MAGI1: variants seen among roughly 807,000 people sequenced by gnomAD.
MAGI1 encodes membrane associated guanylate kinase, WW and PDZ domain containing 1, also known as membrane-associated guanylate kinase, WW and PDZ domain-containing protein 1.
In MAGI1, 58 loss-of-function variants were observed where a neutral mutation model predicts 139.9. The ratio of observed to expected loss-of-function variants is 0.41; its 90% CI spans 0.34 to 0.52. The LOEUF (loss-of-function observed/expected upper bound fraction) is 0.52. Among genes scored for constraint, MAGI1 ranks in the 20% least tolerant of loss-of-function variants. MAGI1 has a pLI of 0.12. For missense variants in MAGI1, 1,874 were observed against 1,901.6 expected, an observed-to-expected ratio of 0.99 and a Z score of 0.27; for synonymous variants, 812 against 737.9, an observed-to-expected ratio of 1.10 and a Z score of -1.63.
chr3:65,875,113 T>C (rs2060069721), intron 1 of MAGI1: 1 of 152,518 alleles, frequency 6.6e-6, no homozygotes, highest in African/African-American at 2.4e-5. Flanking sequence ...ATGTAAATAA[T>C]ACTGAAAATA....
At chr3:65,589,520 T>G (rs1299506985) in intron 2 of MAGI1, among the ~76,000 whole-genome samples, 1 of 152,168 alleles carries the variant, frequency 6.6e-6, no homozygotes, top group Non-Finnish European at 1.5e-5. Context: ...TTGCCTTAGC[T>G]TGGGCTTTTT....
chr3:65,844,839 G>T (rs867449450), intron 1 of MAGI1, among the ~76,000 whole-genome samples: 1 of 152,094 alleles, frequency 6.6e-6, no homozygotes, highest in Admixed American at 6.6e-5. Context: ...CCCACTAAAG[G>T]ACACCCCAGG....
chr3:65,597,815 C>G, intron 2 of MAGI1: 1 of 456,560 alleles, frequency 2.2e-6, no homozygotes, highest in Non-Finnish European at 4.4e-6. Flanking sequence ...TTGTACTTGC[C>G]TGCAAACCCC....
At chr3:65,760,643 A>G (rs2036943266) in intron 1 of MAGI1, among the ~76,000 whole-genome samples, 1 of 152,244 alleles carries the variant, frequency 6.6e-6, no homozygotes, top group East Asian at 1.9e-4. Context: ...CCTAGCCTCA[A>G]GTGATCCTCT....
rs185970960 is a variant in MAGI1, at chr3:65,812,958, G to A, written c.314-190870C>T. On this transcript the variant is annotated intron_variant, in intron 1 of 22. Transcript: ENST00000402939. ...ACTCCTGACCTCAGGTGATCCGACC[G>A]CCTCAGCCTCGCAAAGTGCTGGAAT... Among the ~76,000 whole-genome samples the A allele has an allele frequency of 7.3e-5, 11 of 150,612 alleles. No homozygotes were observed. In the East Asian group the frequency reaches 1.4e-3, roughly 19 times the overall value.
At chr3:65,720,639 A>C (rs1470404305) in intron 1 of MAGI1, among the ~76,000 whole-genome samples, 2 of 152,108 alleles carry the variant, frequency 1.3e-5, no homozygotes, top group Non-Finnish European at 2.9e-5. Flanking sequence ...AAACACGTAA[A>C]GCTTCCCTTT....
intron 17 of MAGI1, among the ~76,000 whole-genome samples, chr3:65,377,332 G>A (rs1942632125): frequency 6.6e-6 from 1 of 152,162 alleles, no homozygotes; most frequent in South Asian, 2.1e-4. Context: ...GATCTCCAAG[G>A]ACAATTGGTA....
chr3:65,678,410 T>A (rs1052795369), intron 1 of MAGI1, among the ~76,000 whole-genome samples: 4 of 152,290 alleles, frequency 2.6e-5, no homozygotes, highest in Admixed American at 2.6e-4. Context: ...GTTTTGCATT[T>A]TTCTTAAGTA....
At chr3:66,029,454 C>T (rs935190893) in intron 1 of MAGI1, among the ~76,000 whole-genome samples, 1 of 152,104 alleles carries the variant, frequency 6.6e-6, no homozygotes, top group South Asian at 2.1e-4. Flanking sequence ...GGGGTTGATA[C>T]CTTAGCCATG....
chr3:65,942,265 A>ATTAG (rs2063350496), intron 1 of MAGI1, among the ~76,000 whole-genome samples: 1 of 152,076 alleles, frequency 6.6e-6, no homozygotes, highest in Non-Finnish European at 1.5e-5. Context: ...AAATCCTGAC[A>ATTAG]TTAGTGAAAT....
Position 65,499,060 on chromosome 3 carries a change from TAAAA to T in MAGI1, c.431-5433_431-5430del, listed in dbSNP as rs60116533. On this transcript the variant is annotated intron_variant, in intron 2 of 22. Transcript: ENST00000402939. ...CAAACAGATAGAAGAAAACCGCTCT[TAAAA>T]AAAAAAAAACAAAAAACTCTCATAT... is the stretch of plus-strand genomic sequence containing the variant. 38 of 860,130 alleles carry T rather than the reference TAAAA, an allele frequency of 4.4e-5. No homozygotes were observed. In the African/African-American group the frequency reaches 6.7e-4, roughly 15 times the overall value. 53.3% of individuals were successfully genotyped at this position (860,130 alleles called of 1,614,324 possible). A position where few individuals can be genotyped will look rare whatever the true frequency, so the allele number is the denominator to read the frequency against.
chr3:65,437,268 T>G (rs2107390808), intron 9 of MAGI1, 21 bp from the exon 10 acceptor site: 2 of 1,483,850 alleles, frequency 1.3e-6, no homozygotes, highest in East Asian at 2.3e-5. Flanking sequence ...GAAAAGAAAG[T>G]TTCCTATTTT....
At chr3:65,540,868 G>C (rs1337425384) in intron 2 of MAGI1, among the ~76,000 whole-genome samples, 1 of 152,220 alleles carries the variant, frequency 6.6e-6, no homozygotes, top group Non-Finnish European at 1.5e-5. Context: ...AGAGAGGAAG[G>C]AAGCAGATGT....
At chr3:65,787,553 C>T (rs1165200231) in intron 1 of MAGI1, among the ~76,000 whole-genome samples, 1 of 149,594 alleles carries the variant, frequency 6.7e-6, no homozygotes, top group East Asian at 2.0e-4. Context: ...CTCCGTGTAA[C>T]TGAGGGCTAT....
At chr3:65,569,450 A>G (rs1473110168) in intron 2 of MAGI1, among the ~76,000 whole-genome samples, 2 of 152,226 alleles carry the variant, frequency 1.3e-5, no homozygotes, top group Non-Finnish European at 2.9e-5. Flanking sequence ...TGTATATTTT[A>G]CCACTATAAA....
Position 65,700,723 on chromosome 3 carries a change from G to A in MAGI1, c.314-78635C>T, listed in dbSNP as rs368800664. Among the ~76,000 whole-genome samples, 5 of 152,092 alleles carry A rather than the reference G, an allele frequency of 3.3e-5. No homozygotes were observed. In the East Asian group the frequency reaches 5.8e-4, roughly 18 times the overall value. On this transcript the variant is annotated intron_variant, in intron 1 of 22. Transcript: ENST00000402939. ...ACCAATTAAAAAATGACTGTAACAC[G>A]TCGTATAAGAAACCCTCAAAGGATA...
intron 2 of MAGI1, among the ~76,000 whole-genome samples, chr3:65,504,584 C>T (rs78121498): frequency 0.025 from 3,838 of 152,124 alleles, 73 homozygotes; most frequent in Non-Finnish European, 0.039. Context: ...AGTGGAGGAG[C>T]GAGGTGCAGC....
intron 1 of MAGI1, among the ~76,000 whole-genome samples, chr3:65,837,422 T>C (rs1474493458): frequency 1.3e-5 from 2 of 152,172 alleles, no homozygotes; most frequent in Admixed American, 6.5e-5. Flanking sequence ...GGAGAGTTCC[T>C]GGAATTCTTC....
At chr3:65,830,206 G>A (rs767028557) in intron 1 of MAGI1, among the ~76,000 whole-genome samples, 5 of 152,170 alleles carry the variant, frequency 3.3e-5, no homozygotes, top group Non-Finnish European at 5.9e-5. Context: ...TCTGTTTGAG[G>A]CATCGCAGTT....
Sources: allele counts gnomAD v4.1 joint callset (sites outside exome capture counted in the v4.1 genomes callset), GRCh38; gene constraint gnomAD v4.1.1; transcripts MANE v1.5; gene names NCBI Gene and HGNC (gene_info 2026-07-23, HGNC 2026-07-21).